USP6NL: variants seen among roughly 807,000 people sequenced by gnomAD.
USP6NL encodes the protein USP6 N-terminal like.
In USP6NL, 26 loss-of-function variants were observed where a neutral mutation model predicts 61.9. The observed-to-expected ratio is 0.42, with a 90% confidence interval of 0.31 to 0.58. The LOEUF is 0.58. Among genes scored for constraint, USP6NL ranks in the 20% least tolerant of loss-of-function variants. USP6NL has a pLI of 0.16. For missense variants in USP6NL, 1,114 were observed against 1,034.3 expected, an observed-to-expected ratio of 1.08 and a Z score of -1.06; for synonymous variants, 432 against 390.1, an observed-to-expected ratio of 1.11 and a Z score of -1.27.
chr10:11,530,112 A>AG (rs1835592712), intron 2 of USP6NL, among the ~76,000 whole-genome samples: 1 of 151,734 alleles, frequency 6.6e-6, no homozygotes, highest in Non-Finnish European at 1.5e-5. Context: ...AAAAAAAAAA[A>AG]AAAAAAAAAA....
At chr10:11,539,380 C>G (rs189364123) in intron 2 of USP6NL, among the ~76,000 whole-genome samples, 27 of 152,214 alleles carry the variant, frequency 1.8e-4, no homozygotes, top group Admixed American at 1.8e-3. Context: ...CAGTCTCCTG[C>G]GCCTTACTTC....
intron 2 of USP6NL, among the ~76,000 whole-genome samples, chr10:11,535,607 C>G (rs1037870634): frequency 6.6e-6 from 1 of 152,190 alleles, no homozygotes; most frequent in Admixed American, 6.5e-5. Context: ...ATAGCCCACC[C>G]CAAAGCTGCT....
At chr10:11,500,658 T>C (rs1443482985) in intron 7 of USP6NL, among the ~76,000 whole-genome samples, 2 of 151,912 alleles carry the variant, frequency 1.3e-5, no homozygotes, top group African/African-American at 4.8e-5. Flanking sequence ...TTTTTTTTCA[T>C]GCTAGAAGAA....
chr10:11,547,796 TC>T (rs764406531), intron 2 of USP6NL, among the ~76,000 whole-genome samples: 13 of 152,114 alleles, frequency 8.5e-5, no homozygotes, highest in South Asian at 6.2e-4. Context: ...CGCCTTGGCC[TC>T]CCCAAAGTGC....
At position 11,575,604 on chromosome 10, in the gene USP6NL, A is replaced by T. The variant is rs114690390; in HGVS notation, c.4+22027T>A. Among the ~76,000 whole-genome samples, 1,725 of 152,318 alleles carry T rather than the reference A, an allele frequency of 0.011. 35 individuals carry two copies. The highest frequency in any genetic ancestry group is 0.037 in the African/African-American group (1,532 of 41,562). ...TCATCTTCCTTATCTCACTGGTATT[A>T]TCACTGGTTTTGAAAATGAAAATCA... On this transcript the variant is annotated intron_variant, in intron 2 of 14. Transcript: ENST00000609104. The surrounding 1 kb of genome is among the most constrained non-coding windows in gnomAD (Gnocchi z 4.2).
At position 11,611,083 on chromosome 10, in the gene USP6NL, C is replaced by A. The variant is rs1838874819; in HGVS notation, c.-84+360G>T. Among the ~76,000 whole-genome samples, 1 of 152,118 alleles carries A rather than the reference C, an allele frequency of 6.6e-6. No individual in the cohort carries two copies. Among genetic ancestry groups the A allele is most frequent in the Non-Finnish European group, 1.5e-5 (1 of 67,988 alleles). Reference sequence around the variant, plus strand: ...TGCCCGGGTCCTGCCCACTGGGGCTCGGGAGACGCGACCGAAACTTGCGAG... The same window carrying A: ...TGCCCGGGTCCTGCCCACTGGGGCTAGGGAGACGCGACCGAAACTTGCGAG... On this transcript the variant is annotated intron_variant, in intron 1 of 14. Transcript: ENST00000609104. This position sits in a 1 kb window ranked among gnomAD's most constrained non-coding sequence, Gnocchi z 5.3.
rs1213789993 is a variant in USP6NL, at chr10:11,561,701, C to T, written c.5-34134G>A. On this transcript the variant is annotated intron_variant, in intron 2 of 14. Coordinates refer to ENST00000609104, the MANE Select transcript of USP6NL (RefSeq NM_014688.5). This position sits in a 1 kb window ranked among gnomAD's most constrained non-coding sequence, Gnocchi z 4.1. ...GGATCTTTGTGCATGTTATCTTTTG[C>T]GCAGATGCAGAAATGGTATTTCTAT... Among the ~76,000 whole-genome samples the T allele has an allele frequency of 2.6e-5, 4 of 152,134 alleles. No homozygotes were observed. The highest frequency in any genetic ancestry group is 2.1e-4 in the South Asian group (1 of 4,832).
rs995691262 is a variant in USP6NL, at chr10:11,491,881, T to C, written c.495-1001A>G. ...ATGGAATGGGCAGTGAAACGTGGCA[T>C]TATAAACACCACCTGTGACCACATG... is the stretch of plus-strand genomic sequence containing the variant. On this transcript the variant is annotated intron_variant, in intron 8 of 14. Transcript: ENST00000609104. This position sits in a 1 kb window ranked among gnomAD's most constrained non-coding sequence, Gnocchi z 4.7. 6.6e-6 allele frequency among the ~76,000 whole-genome samples: 1 copy of C among 152,226 alleles called. No individual in the cohort carries two copies. The highest frequency in any genetic ancestry group is 2.4e-5 in the African/African-American group (1 of 41,452).
chr10:11,532,460 T>C lies in USP6NL; in HGVS notation c.5-4893A>G, dbSNP rs1835697659. ...AACCTTGCTGTGGTTACACAGACTA[T>C]ATATTTTCAAACAAAGCTGATCATT... is the stretch of plus-strand genomic sequence containing the variant. On this transcript the variant is annotated intron_variant, in intron 2 of 14. Transcript: ENST00000609104. The surrounding 1 kb of genome is among the most constrained non-coding windows in gnomAD (Gnocchi z 4.1). Among the ~76,000 whole-genome samples, 1 of 152,220 alleles carries C rather than the reference T, an allele frequency of 6.6e-6. No homozygotes were observed. The highest frequency in any genetic ancestry group is 1.5e-5 in the Non-Finnish European group (1 of 68,040).
At chr10:11,560,599 A>C (rs1370986790) in intron 2 of USP6NL, among the ~76,000 whole-genome samples, 1 of 151,438 alleles carries the variant, frequency 6.6e-6, no homozygotes, top group Admixed American at 6.6e-5. Context: ...CTGTTTTTAA[A>C]AGACTCCTAG....
At chr10:11,498,280 G>A (rs1241672149) in intron 7 of USP6NL, among the ~76,000 whole-genome samples, 1 of 139,888 alleles carries the variant, frequency 7.1e-6, no homozygotes, top group East Asian at 2.0e-4. Flanking sequence ...ATCATTGTGA[G>A]TTTGGCCTAC....
chr10:11,576,307 T>C (rs931014008), intron 2 of USP6NL, among the ~76,000 whole-genome samples: 2 of 152,204 alleles, frequency 1.3e-5, no homozygotes, highest in African/African-American at 4.8e-5. Flanking sequence ...TGGGACAACA[T>C]AGGTGGATCT....
In USP6NL at chr10:11,509,660, T is replaced by C; in HGVS notation, c.211A>G (p.Ile71Val). The C allele has an allele frequency of 6.4e-7, 1 of 1,565,982 alleles. No individual in the cohort carries two copies. The highest frequency in any genetic ancestry group is 8.7e-7 in the Non-Finnish European group (1 of 1,154,000). Reference protein sequence around the residue: ...VAVERQKHLEIERTTKWLKML... With the variant: ...VAVERQKHLEVERTTKWLKML... ...TTCAGCCATTTGGTAGTTCTTTCAA[T>C]TTCCAGGTGCTTTTGCTAAAATAAA... The change falls in exon 6 of 15, where the codon ATT becomes GTT. Residue 71 changes from isoleucine (I) to valine (V), a missense_variant. Physicochemically the swap from Ile to Val is conservative, Grantham distance 29. Transcript: ENST00000609104.
At chr10:11,497,162 C>T (rs1423279618) in intron 7 of USP6NL, among the ~76,000 whole-genome samples, 2 of 146,572 alleles carry the variant, frequency 1.4e-5, no homozygotes, top group Non-Finnish European at 1.5e-5. Flanking sequence ...GTAATCCCAG[C>T]GCTTTGGAAG....
At position 11,503,579 on chromosome 10, in the gene USP6NL, T is replaced by C. The variant is rs549893007; in HGVS notation, c.277-2371A>G. Among the ~76,000 whole-genome samples the C allele has an allele frequency of 8.5e-5, 13 of 152,312 alleles. No individual in the cohort carries two copies. The South Asian group carries it at 2.7e-3, about 32-fold the overall frequency. On this transcript the variant is annotated intron_variant, in intron 6 of 14. Coordinates refer to ENST00000609104, the MANE Select transcript of USP6NL (RefSeq NM_014688.5). Reference sequence around the variant, plus strand: ...AAACATTGATACAGTGTCACTATCATCATCCATGGCAACAATTAATCCAAA... The same window carrying C: ...AAACATTGATACAGTGTCACTATCACCATCCATGGCAACAATTAATCCAAA...
At chr10:11,515,659 G>C (rs1268492300) in intron 5 of USP6NL, among the ~76,000 whole-genome samples, 1 of 152,190 alleles carries the variant, frequency 6.6e-6, no homozygotes, top group African/African-American at 2.4e-5. Flanking sequence ...TTGGTAACCG[G>C]AAGTATTCTG....
intron 1 of USP6NL, among the ~76,000 whole-genome samples, chr10:11,603,634 T>C (rs983106265): frequency 6.6e-6 from 1 of 152,242 alleles, no homozygotes; most frequent in Admixed American, 6.5e-5. Flanking sequence ...AATTGGATTC[T>C]AAATACAAGA....
chr10:11,537,633 T>C lies in USP6NL; in HGVS notation c.5-10066A>G, dbSNP rs1236516263. Among the ~76,000 whole-genome samples, 1 of 152,220 alleles carries C rather than the reference T, an allele frequency of 6.6e-6. No individual in the cohort carries two copies. Among genetic ancestry groups the C allele is most frequent in the Non-Finnish European group, 1.5e-5 (1 of 68,038 alleles). ...TTATTTTTTCATTAAATTTGCAGAA[T>C]ACACTCTTCAAACAAATTCTATAAA... is the stretch of plus-strand genomic sequence containing the variant. On this transcript the variant is annotated intron_variant, in intron 2 of 14. Coordinates refer to ENST00000609104, the MANE Select transcript of USP6NL (RefSeq NM_014688.5). The surrounding 1 kb of genome is among the most constrained non-coding windows in gnomAD (Gnocchi z 5.1).
In USP6NL at chr10:11,525,191, A is replaced by G. The variant is rs1835367205; in HGVS notation, c.155+195T>C. 6.6e-6 allele frequency among the ~76,000 whole-genome samples: 1 copy of G among 152,216 alleles called. No homozygotes were observed. The highest frequency in any genetic ancestry group is 2.4e-5 in the African/African-American group (1 of 41,458). On this transcript the variant is annotated intron_variant, in intron 4 of 14. Transcript: ENST00000609104. The surrounding 1 kb of genome is among the most constrained non-coding windows in gnomAD (Gnocchi z 5.0). ...TTCTTACTAAATTGCAAAAAATATT[A>G]AAAATTATATCTTAAACAGTTAAAT...
Sources: gnomAD v4.1 joint callset for allele counts (sites outside exome capture counted in the v4.1 genomes callset) on GRCh38, gnomAD v4.1.1 for gene constraint, Gnocchi (gnomAD v3.1) non-coding constraint, MANE v1.5 for transcripts, NCBI Gene and HGNC (gene_info 2026-07-23, HGNC 2026-07-21) for gene names.